The following GPC5 variants were observed in gnomAD, a reference collection of about 807,000 sequenced individuals.
GPC5 encodes glypican 5.
GPC5 carries 47 observed loss-of-function variants against 53.9 expected under a neutral mutation model. That is an observed-to-expected ratio of 0.87 (90% CI 0.69 to 1.11). GPC5 has a LOEUF of 1.11. Among genes scored for constraint, GPC5 ranks in the 50% most tolerant of loss-of-function variants. The probability of loss-of-function intolerance (pLI) is 0.00; values close to 1 mark genes in which losing one functional copy is unlikely to be tolerated. For synonymous variants in GPC5, 286 were observed against 263.3 expected (o/e 1.09, Z -0.84); for missense variants, 748 against 713.1 (o/e 1.05, Z -0.56).
At chr13:91,570,544 G>T (rs776881647) in intron 2 of GPC5, among the ~76,000 whole-genome samples, 2 of 152,110 alleles carry the variant, frequency 1.3e-5, no homozygotes, top group Non-Finnish European at 2.9e-5. Flanking sequence ...CTATGATTAT[G>T]TTATTTAATC....
At chr13:92,297,555 ACT>A (rs1472070817) in intron 7 of GPC5, among the ~76,000 whole-genome samples, 2 of 151,968 alleles carry the variant, frequency 1.3e-5, no homozygotes, top group Non-Finnish European at 2.9e-5. Context: ...ACCAATCGAC[ACT>A]CTGTATCTAG....
chr13:92,768,673 T>C (rs1875502018), intron 7 of GPC5, among the ~76,000 whole-genome samples: 1 of 151,990 alleles, frequency 6.6e-6, no homozygotes, highest in Admixed American at 6.6e-5. Context: ...TGCACCATCA[T>C]TCTGCCAATT....
chr13:92,548,462 A>G (rs987812300), intron 7 of GPC5, among the ~76,000 whole-genome samples: 3 of 151,668 alleles, frequency 2.0e-5, no homozygotes, highest in African/African-American at 2.4e-5. Flanking sequence ...ATCCTAAACA[A>G]ATAACAATAA....
chr13:92,451,152 G>A (rs1878044391), intron 7 of GPC5, among the ~76,000 whole-genome samples: 1 of 152,082 alleles, frequency 6.6e-6, no homozygotes, highest in Admixed American at 6.6e-5. Flanking sequence ...CAAGTACGTA[G>A]CTGTTCTTTT....
At chr13:92,311,702 A>G (rs1423156622) in intron 7 of GPC5, among the ~76,000 whole-genome samples, 1 of 152,186 alleles carries the variant, frequency 6.6e-6, no homozygotes, top group Non-Finnish European at 1.5e-5. Flanking sequence ...CACTATCACA[A>G]GAACAGCATG....
chr13:92,042,676 A>C (rs917830746), intron 6 of GPC5, among the ~76,000 whole-genome samples: 13 of 152,240 alleles, frequency 8.5e-5, no homozygotes, highest in Admixed American at 8.5e-4. Flanking sequence ...ATGTTTAATT[A>C]AAACAATTAT....
intron 7 of GPC5, among the ~76,000 whole-genome samples, chr13:92,494,120 C>T (rs900807938): frequency 3.3e-5 from 5 of 151,176 alleles, no homozygotes; most frequent in African/African-American, 9.8e-5. Context: ...GACGGAGTCT[C>T]GCTCTGTCGC....
rs1006148797 is a variant in GPC5, at chr13:91,648,599, A to G, written c.326-44588A>G. ...AGAAAGTATAGGCTCACAGAAACAA[A>G]AAAATTAGTAAATTTTCTATAACTC... On this transcript the variant is annotated intron_variant, in intron 2 of 7. Coordinates refer to ENST00000377067, the MANE Select transcript of GPC5 (RefSeq NM_004466.6). Among the ~76,000 whole-genome samples the G allele has an allele frequency of 7.9e-5, 12 of 152,288 alleles. No homozygotes were observed. In the East Asian group the frequency reaches 2.3e-3, roughly 29 times the overall value.
At chr13:91,631,777 T>C (rs752776050) in intron 2 of GPC5, among the ~76,000 whole-genome samples, 10 of 151,994 alleles carry the variant, frequency 6.6e-5, no homozygotes, top group South Asian at 4.1e-4. Flanking sequence ...AGTCTTACTA[T>C]TAGGAGAAAT....
At chr13:91,798,107 A>G (rs2038075517) in intron 5 of GPC5, among the ~76,000 whole-genome samples, 1 of 152,208 alleles carries the variant, frequency 6.6e-6, no homozygotes, top group Non-Finnish European at 1.5e-5. Context: ...AGGAAGGGAA[A>G]TAAGATGTTG....
chr13:91,621,042 G>A (rs943554617), intron 2 of GPC5, among the ~76,000 whole-genome samples: 2 of 152,110 alleles, frequency 1.3e-5, no homozygotes, highest in South Asian at 2.1e-4. Flanking sequence ...TATGTCCAAC[G>A]TTGCAACAAC....
chr13:92,447,866 G>A (rs1426749024), intron 7 of GPC5: 1 of 152,080 alleles, frequency 6.6e-6, no homozygotes, highest in African/African-American at 2.4e-5. Flanking sequence ...TGAAGCTAAT[G>A]GATTTCTAAG....
At chr13:92,536,297 C>T (rs1251996819) in intron 7 of GPC5, among the ~76,000 whole-genome samples, 2 of 152,020 alleles carry the variant, frequency 1.3e-5, no homozygotes, top group Non-Finnish European at 2.9e-5. Flanking sequence ...TGAATATATA[C>T]ACAGATATGT....
chr13:91,604,100 C>G (rs2033273625), intron 2 of GPC5, among the ~76,000 whole-genome samples: 1 of 145,330 alleles, frequency 6.9e-6, no homozygotes, highest in African/African-American at 2.6e-5. Flanking sequence ...TATCCCTCCC[C>G]CCTCCCACCA....
chr13:91,711,889 G>T (rs1173663574), intron 3 of GPC5, among the ~76,000 whole-genome samples: 1 of 152,152 alleles, frequency 6.6e-6, no homozygotes, highest in African/African-American at 2.4e-5. Flanking sequence ...CAAGTTTATG[G>T]CTAGGCCATT....
chr13:91,864,042 A>G (rs781330551), intron 5 of GPC5, among the ~76,000 whole-genome samples: 3 of 152,216 alleles, frequency 2.0e-5, no homozygotes, highest in Non-Finnish European at 4.4e-5. Flanking sequence ...ATTTATATCA[A>G]TGATTATATT....
chr13:91,860,528 T>TA (rs2039016177), intron 5 of GPC5, among the ~76,000 whole-genome samples: 2 of 149,252 alleles, frequency 1.3e-5, no homozygotes. Context: ...TTTATTTCTT[T>TA]TTTTTTTTTT....
intron 7 of GPC5, among the ~76,000 whole-genome samples, chr13:92,691,492 T>C (rs1201682310): frequency 1.1e-4 from 16 of 150,370 alleles, no homozygotes. Flanking sequence ...ATGAACCCGG[T>C]ACCTCAGATG....
intron 6 of GPC5, among the ~76,000 whole-genome samples, chr13:91,917,180 C>T (rs867600219): frequency 9.2e-5 from 14 of 152,170 alleles, no homozygotes; most frequent in African/African-American, 3.1e-4. Flanking sequence ...ATTGGGTAAA[C>T]ACACCCATTC....
Sources: allele counts gnomAD v4.1 joint callset (sites outside exome capture counted in the v4.1 genomes callset), GRCh38; gene constraint gnomAD v4.1.1; transcripts MANE v1.5; gene names NCBI Gene and HGNC (gene_info 2026-07-23, HGNC 2026-07-21).